Variants in NID1 observed in about 807,000 individuals in gnomAD.
The protein encoded by NID1 is nidogen 1.
A neutral mutation model predicts 130.6 loss-of-function variants in NID1; 76 were observed. The ratio of observed to expected loss-of-function variants is 0.58; its 90% CI spans 0.48 to 0.70. The LOEUF is 0.70. NID1 is among the 30% of genes least tolerant of loss of function. NID1 has a pLI of 0.00. For missense variants in NID1, 1,517 were observed against 1,664.8 expected, an observed-to-expected ratio of 0.91 and a Z score of 1.54; for synonymous variants, 665 against 675.1, an observed-to-expected ratio of 0.98 and a Z score of 0.23.
At chr1:236,032,749 G>T in intron 5 of NID1, 97 bp from the exon 6 acceptor site, 1 of 1,489,912 alleles carries the variant, frequency 6.7e-7, no homozygotes, top group Non-Finnish European at 9.0e-7. Context: ...GGTGAAGAAA[G>T]CAAAGAAACA....
chr1:236,012,428 C>T (rs1047094706), intron 11 of NID1, among the ~76,000 whole-genome samples: 8 of 151,910 alleles, frequency 5.3e-5, no homozygotes, highest in South Asian at 2.1e-4. Context: ...CATGGTGACA[C>T]GTGCCTGTAA....
chr1:236,035,741 G>A (rs963351200), intron 5 of NID1, among the ~76,000 whole-genome samples: 8 of 152,180 alleles, frequency 5.3e-5, no homozygotes, highest in Non-Finnish European at 7.3e-5. Context: ...ACGCCCAAAC[G>A]GCTCAACAGG....
Position 236,026,098 on chromosome 1 carries a change from G to A in NID1, c.1782C>T (p.Pro594=), listed in dbSNP as rs201146842. Residue 594 remains proline, a synonymous_variant, in exon 8 of 20, where the codon CCC becomes CCT. Coordinates refer to ENST00000264187, the MANE Select transcript of NID1 (RefSeq NM_002508.3). ...SSTREYTVTE[P]ERDGASPSRI... The stretch of plus-strand genomic sequence containing the variant: ...GTGAAGGAGATGCCCCATCTCGCTC[G>A]GGCTCAGTCACCGTGTACTCCCGGG... The A allele has an allele frequency of 4.0e-5, 65 of 1,613,838 alleles. No homozygotes were observed. Among genetic ancestry groups the A allele is most frequent in the Non-Finnish European group, 4.7e-5 (55 of 1,179,982 alleles).
At chr1:236,059,053 C>T (rs1021300234) in intron 1 of NID1, among the ~76,000 whole-genome samples, 4 of 152,154 alleles carry the variant, frequency 2.6e-5, no homozygotes, top group Non-Finnish European at 5.9e-5. Flanking sequence ...TCCCTCTTTT[C>T]GCATACTTGA....
chr1:236,048,571 G>T, intron 2 of NID1, 119 bp downstream of exon 2: 3 of 1,173,688 alleles, frequency 2.6e-6, no homozygotes, highest in African/African-American at 1.6e-5. Flanking sequence ...ATTTTGCTTT[G>T]GATTTCCTGT....
intron 12 of NID1, among the ~76,000 whole-genome samples, chr1:236,010,472 A>AT (rs922480438): frequency 6.6e-6 from 1 of 151,660 alleles, no homozygotes; most frequent in African/African-American, 2.4e-5. Context: ...TAATTTTTCT[A>AT]TTTTTTGTAG....
intron 3 of NID1, among the ~76,000 whole-genome samples, chr1:236,044,571 T>C (rs967685020): frequency 1.3e-5 from 2 of 152,248 alleles, no homozygotes; most frequent in Middle Eastern, 6.8e-3. Flanking sequence ...TCTGCCCTCA[T>C]AAAACCAGTT....
At chr1:236,023,436 G>A (rs766963354) in intron 9 of NID1, among the ~76,000 whole-genome samples, 9 of 152,292 alleles carry the variant, frequency 5.9e-5, no homozygotes, top group Non-Finnish European at 1.3e-4. Flanking sequence ...AAGTGGAATG[G>A]TGATTGCCAA....
chr1:236,045,024 C>T (rs546357937), intron 3 of NID1, among the ~76,000 whole-genome samples: 2 of 152,066 alleles, frequency 1.3e-5, no homozygotes, highest in South Asian at 4.2e-4. Flanking sequence ...CATGGTGAAA[C>T]CCCGTCTCTA....
At chr1:236,033,475 G>A (rs918808904) in intron 5 of NID1, among the ~76,000 whole-genome samples, 2 of 152,128 alleles carry the variant, frequency 1.3e-5, no homozygotes, top group African/African-American at 4.8e-5. Flanking sequence ...CGTTAGCACT[G>A]CCAGTCTGAG....
At position 235,976,532 on chromosome 1, in the gene NID1, C is replaced by G. The variant is rs1657256224; in HGVS notation, c.*1335G>C. The G allele has an allele frequency of 6.6e-6, 1 of 152,084 alleles. No individual in the cohort carries two copies. The highest frequency in any genetic ancestry group is 2.4e-5 in the African/African-American group (1 of 41,392). The allele number at this position is 152,084 out of a possible 1,614,324, so 9.4% of individuals were successfully genotyped here. A position where few individuals can be genotyped will look rare whatever the true frequency, so the allele number is the denominator to read the frequency against. On this transcript the variant is annotated 3_prime_UTR_variant, in exon 20 of 20. Coordinates refer to ENST00000264187, the MANE Select transcript of NID1 (RefSeq NM_002508.3). ...ATCATCTCGACTCCTTTATCCCATC[C>G]TTTACTGACTCAAACTCCTTATGCT...
chr1:235,987,596 G>A (rs1045696102), intron 14 of NID1, among the ~76,000 whole-genome samples: 5 of 152,138 alleles, frequency 3.3e-5, no homozygotes, highest in African/African-American at 4.8e-5. Context: ...AGAAGCTGCC[G>A]GGCTGTATGA....
intron 5 of NID1, 74 bp downstream of exon 5, chr1:236,038,030 T>G (rs1572611793): frequency 1.3e-6 from 2 of 1,517,778 alleles, no homozygotes; most frequent in East Asian, 2.3e-5. Flanking sequence ...TAAAGCAACA[T>G]GGAAAACGAG....
intron 2 of NID1, among the ~76,000 whole-genome samples, chr1:236,047,854 C>G (rs1437132694): frequency 6.7e-6 from 1 of 150,106 alleles, no homozygotes. Context: ...TGGTGAAACC[C>G]CATCTCTACT....
chr1:236,017,370 A>C, intron 9 of NID1, 97 bp from the exon 10 acceptor site: 9 of 1,376,298 alleles, frequency 6.5e-6, no homozygotes, highest in Non-Finnish European at 8.9e-6. Context: ...AGAATAGATC[A>C]ATTTTAAAAC....
At chr1:236,014,699 G>A (rs1269403628) in intron 10 of NID1, among the ~76,000 whole-genome samples, 1 of 152,164 alleles carries the variant, frequency 6.6e-6, no homozygotes, top group Non-Finnish European at 1.5e-5. Flanking sequence ...CCTGGGCCCT[G>A]TTCTTCCCTC....
At chr1:236,035,393 T>C (rs1332100506) in intron 5 of NID1, among the ~76,000 whole-genome samples, 1 of 111,284 alleles carries the variant, frequency 9.0e-6, no homozygotes, top group African/African-American at 3.6e-5. Flanking sequence ...CAGTCTATCA[T>C]TGTTGGACAT....
chr1:236,028,019 C>A (rs1658990140), intron 7 of NID1, among the ~76,000 whole-genome samples: 4 of 152,034 alleles, frequency 2.6e-5, no homozygotes, highest in Admixed American at 2.0e-4. Context: ...TTTGACTCGG[C>A]ACTTCTATTT....
chr1:235,997,099 G>A (rs1419279922), intron 12 of NID1, among the ~76,000 whole-genome samples: 1 of 151,946 alleles, frequency 6.6e-6, no homozygotes, highest in African/African-American at 2.4e-5. Context: ...CTCCCAAAGT[G>A]CTGGGACTAT....
Sources: allele counts gnomAD v4.1 joint callset (sites outside exome capture counted in the v4.1 genomes callset), GRCh38; gene constraint gnomAD v4.1.1; transcripts MANE v1.5; gene names NCBI Gene and HGNC (gene_info 2026-07-23, HGNC 2026-07-21).